The following PPP1R3A variants were observed in gnomAD, a reference collection of about 807,000 sequenced individuals.
PPP1R3A encodes the protein RG1.
A neutral mutation model predicts 41.7 loss-of-function variants in PPP1R3A; 29 were observed. The observed-to-expected ratio is 0.70, with a 90% CI of 0.52 to 0.95. The LOEUF (loss-of-function observed/expected upper bound fraction) is 0.95. Among genes scored for constraint, PPP1R3A ranks in the 40% least tolerant of loss-of-function variants. PPP1R3A has a pLI of 0.00. For synonymous variants in PPP1R3A, 485 were observed against 453.4 expected (o/e 1.07, Z -0.89); for missense variants, 1,352 against 1,292.4 (o/e 1.05, Z -0.71).
rs4304271 is a variant in PPP1R3A at position 113,878,850 on chromosome 7, C to T, written c.2242G>A (p.Glu748Lys). ...ESTPESMSAR[E>K]KAIIAKLPQE... ...GGTAGCTTAGCAATTATTGCTTTTT[C>T]TCTAGCAGACATGCTTTCTGGAGTA... is the stretch of plus-strand genomic sequence containing the variant. Residue 748 changes from glutamate to lysine, a missense_variant, in exon 4 of 4, where the codon GAA (glutamate) becomes AAA (lysine). Transcript: ENST00000284601. 1.2e-6 allele frequency: 2 copies of T among 1,613,070 alleles called. No individual in the cohort carries two copies. Among genetic ancestry groups the T allele is most frequent in the Admixed American group, 1.7e-5 (1 of 59,840 alleles).
At chr7:113,907,298 A>G (rs1036906669) in intron 1 of PPP1R3A, among the ~76,000 whole-genome samples, 1 of 151,784 alleles carries the variant, frequency 6.6e-6, no homozygotes, top group Non-Finnish European at 1.5e-5. Flanking sequence ...TTTACATTTC[A>G]GCATATTAAG....
chr7:113,913,901 C>T (rs1797295040), intron 1 of PPP1R3A, among the ~76,000 whole-genome samples: 1 of 152,106 alleles, frequency 6.6e-6, no homozygotes, highest in Non-Finnish European at 1.5e-5. Context: ...CTTTTCAAGG[C>T]CTTTTCCCTT....
chr7:113,915,524 CAT>C (rs201485821), intron 1 of PPP1R3A, among the ~76,000 whole-genome samples: 2,021 of 148,040 alleles, frequency 0.014, 39 homozygotes, highest in African/African-American at 0.043. Flanking sequence ...AAGAAAAAAT[CAT>C]ATATATATAT....
At chr7:113,890,468 T>C (rs1796861297) in intron 1 of PPP1R3A, among the ~76,000 whole-genome samples, 1 of 152,192 alleles carries the variant, frequency 6.6e-6, no homozygotes, top group Admixed American at 6.6e-5. Flanking sequence ...CACTAGTGCT[T>C]GTCTAACTAC....
In PPP1R3A at chr7:113,882,094, A is replaced by G; in HGVS notation, c.911T>C (p.Val304Ala). 6.2e-7 allele frequency: 1 copy of G among 1,612,320 alleles called. No individual in the cohort carries two copies. The change falls in exon 3 of 4, where the codon GTA becomes GCA. Residue 304 changes from valine (V) to alanine (A), a missense_variant. Coordinates refer to ENST00000284601, the MANE Select transcript of PPP1R3A (RefSeq NM_002711.4). The part of the protein sequence containing the change: ...KEDLEASNRN[V>A]KDVNREHDEH... ...ATCATGTTCCCTGTTTACATCTTTT[A>G]CATTTCGATTACTGGCTTCCAAATC... is the stretch of plus-strand genomic sequence containing the variant.
Position 113,877,913 on chromosome 7 carries a change from T to G in PPP1R3A, c.3179A>C (p.Gln1060Pro). Residue 1060 changes from glutamine (Q) to proline (P), a missense_variant, in exon 4 of 4, where the codon CAA becomes CCA. Transcript: ENST00000284601. ...AAACAAAGATTCGTTGCCTTGAGCT[T>G]GACTTTCCTCAACAGGAAGACTAGT... ...ASTSLPVEES[Q>P]AQGNESLFSK... 1 of 1,613,316 alleles carries G rather than the reference T, an allele frequency of 6.2e-7. No homozygotes were observed. Among genetic ancestry groups the G allele is most frequent in the Non-Finnish European group, 8.5e-7 (1 of 1,179,520 alleles).
chr7:113,898,344 C>T (rs1453719600), intron 1 of PPP1R3A, among the ~76,000 whole-genome samples: 2 of 151,622 alleles, frequency 1.3e-5, no homozygotes, highest in African/African-American at 4.8e-5. Context: ...ACAGAGGTGG[C>T]CAGGGAAGGC....
At chr7:113,903,488 C>T (rs887602401) in intron 1 of PPP1R3A, among the ~76,000 whole-genome samples, 2 of 151,574 alleles carry the variant, frequency 1.3e-5, no homozygotes, top group African/African-American at 2.4e-5. Context: ...ATGAGGTCCC[C>T]AAAATATGCC....
chr7:113,892,981 G>A (rs1796918364), intron 1 of PPP1R3A, among the ~76,000 whole-genome samples: 1 of 151,904 alleles, frequency 6.6e-6, no homozygotes, highest in Non-Finnish European at 1.5e-5. Context: ...TAGATTAGAA[G>A]GCCACAAATA....
chr7:113,876,790 T>C lies in PPP1R3A; in HGVS notation c.*933A>G, dbSNP rs181231061. 1.3e-5 allele frequency: 2 copies of C among 152,462 alleles called. No individual in the cohort carries two copies. The highest frequency in any genetic ancestry group is 2.9e-5 in the Non-Finnish European group (2 of 67,928). The allele number at this position is 152,462 out of a possible 1,614,324, so 9.4% of individuals were successfully genotyped here. On this transcript the variant is annotated 3_prime_UTR_variant, in exon 4 of 4. Transcript: ENST00000284601. ...TAAATGCATTTTGGGGGATAATTCA[T>C]TCTCTTAGAAAATATTTGAAGACAA...
At chr7:113,898,588 T>C (rs1259949945) in intron 1 of PPP1R3A, among the ~76,000 whole-genome samples, 1 of 151,822 alleles carries the variant, frequency 6.6e-6, no homozygotes, top group East Asian at 1.9e-4. Context: ...TTTAGGCCCA[T>C]GTTATTGACT....
intron 1 of PPP1R3A, among the ~76,000 whole-genome samples, chr7:113,898,924 G>T (rs1488765497): frequency 3.3e-5 from 5 of 151,776 alleles, no homozygotes; most frequent in Admixed American, 6.6e-5. Flanking sequence ...ATTCAGTATT[G>T]TCTTTTTCCA....
chr7:113,894,186 C>T (rs1004269220), intron 1 of PPP1R3A, among the ~76,000 whole-genome samples: 9 of 151,772 alleles, frequency 5.9e-5, no homozygotes, highest in South Asian at 2.1e-4. Context: ...GGTCCAAGTG[C>T]GAACCAAAAA....
At chr7:113,892,758 TAC>T (rs1285095366) in intron 1 of PPP1R3A, among the ~76,000 whole-genome samples, 1 of 152,022 alleles carries the variant, frequency 6.6e-6, no homozygotes, top group African/African-American at 2.4e-5. Context: ...ACGAAATGAA[TAC>T]AGTTTGGCAT....
In PPP1R3A at chr7:113,918,511, A is replaced by C. The variant is rs1236646886; in HGVS notation, c.486T>G (p.Ser162=). ...CATAATGTGTCTGCCAGTCATCTAAAGACATTCTTACATATACTAACTTCT... is the reference window on the plus strand; with the variant it reads ...CATAATGTGTCTGCCAGTCATCTAACGACATTCTTACATATACTAACTTCT... ...SFEKLVYVRM[S]LDDWQTHYDI... Residue 162 remains serine (S), a synonymous_variant, in exon 1 of 4, where the codon TCT becomes TCG. Transcript: ENST00000284601. 1 of 1,613,120 alleles carries C rather than the reference A, an allele frequency of 6.2e-7. No homozygotes were observed. The highest frequency in any genetic ancestry group is 8.5e-7 in the Non-Finnish European group (1 of 1,179,604).
chr7:113,908,607 A>T (rs1023725132), intron 1 of PPP1R3A, among the ~76,000 whole-genome samples: 2 of 151,962 alleles, frequency 1.3e-5, no homozygotes, highest in African/African-American at 4.8e-5. Flanking sequence ...AAAAGGATAC[A>T]ATGTAAACCA....
At chr7:113,891,141 G>A (rs565781348) in intron 1 of PPP1R3A, among the ~76,000 whole-genome samples, 31 of 143,108 alleles carry the variant, frequency 2.2e-4, no homozygotes, top group Non-Finnish European at 3.7e-4. Flanking sequence ...CAGTATTTCC[G>A]GTTACTTAAC....
chr7:113,910,021 G>A (rs531857258), intron 1 of PPP1R3A, among the ~76,000 whole-genome samples: 9 of 152,118 alleles, frequency 5.9e-5, no homozygotes, highest in South Asian at 4.2e-4. Context: ...CAATCATGAC[G>A]GAAGACAAAG....
intron 1 of PPP1R3A, among the ~76,000 whole-genome samples, chr7:113,895,719 C>T (rs1469804634): frequency 6.6e-6 from 1 of 151,864 alleles, no homozygotes; most frequent in African/African-American, 2.4e-5. Context: ...TCAGGGAAAA[C>T]AGAAATACAG....
Sources: allele counts gnomAD v4.1 joint callset (sites outside exome capture counted in the v4.1 genomes callset), GRCh38; gene constraint gnomAD v4.1.1; transcripts MANE v1.5; gene names NCBI Gene and HGNC (gene_info 2026-07-23, HGNC 2026-07-21).